Variants in MIEF1 observed in about 807,000 individuals in gnomAD.
MIEF1 encodes the protein mitochondrial elongation factor 1.
MIEF1 carries 14 observed loss-of-function variants against 35.1 expected under a neutral mutation model. The ratio of observed to expected loss-of-function variants is 0.40; its 90% CI spans 0.26 to 0.62. MIEF1 has a LOEUF of 0.62. Among genes scored for constraint, MIEF1 ranks in the 20% least tolerant of loss-of-function variants. The pLI is 0.43. For missense variants in MIEF1, 542 were observed against 615.4 expected (o/e 0.88, Z 1.26); for synonymous variants, 245 against 254.3 (o/e 0.96, Z 0.35).
At chr22:39,502,470 G>A (rs1197487604) in intron 1 of MIEF1, 33 bp downstream of exon 1, 1 of 152,312 alleles carries the variant, frequency 6.6e-6, no homozygotes, top group African/African-American at 2.4e-5. Context: ...GCCGCCGGCG[G>A]CTGGGCGGCG....
At chr22:39,507,942 T>C (rs1930129056) in intron 2 of MIEF1, among the ~76,000 whole-genome samples, 1 of 152,144 alleles carries the variant, frequency 6.6e-6, no homozygotes, top group Non-Finnish European at 1.5e-5. Context: ...TTTAGAGCAG[T>C]CTCAAAAGGT....
Position 39,514,118 on chromosome 22 carries a change from A to C in MIEF1, c.1187A>C (p.Glu396Ala). ...TNVILHLAQE[E>A]ADWSPDMLAD... ...GTCATCCTCCACTTGGCCCAGGAGG[A>C]GGCTGACTGGTCTCCGGATATGCTG... is the stretch of plus-strand genomic sequence containing the variant. The change falls in exon 6 of 6, where the codon GAG becomes GCG. Residue 396 changes from glutamate (E) to alanine (A), a missense_variant. Glu to Ala is a moderately radical substitution (Grantham distance 107). Coordinates refer to ENST00000325301, the MANE Select transcript of MIEF1 (RefSeq NM_019008.6). 6.2e-7 allele frequency: 1 copy of C among 1,614,138 alleles called. No homozygotes were observed. Among genetic ancestry groups the C allele is most frequent in the East Asian group, 2.2e-5 (1 of 44,890 alleles).
At position 39,513,792 on chromosome 22, in the gene MIEF1, C is replaced by A. The variant is rs1463285172; in HGVS notation, c.861C>A (p.Ile287=). Reference sequence around the variant, plus strand: ...TAGGGTCCCTCTTGGACTATGTGATCCGCCCGGCCCCACCCCCAGAAGCCC... The same window carrying A: ...TAGGGTCCCTCTTGGACTATGTGATACGCCCGGCCCCACCCCCAGAAGCCC... ...PAIGSLLDYV[I]RPAPPPEALT... The change falls in exon 6 of 6, where the codon ATC becomes ATA. Residue 287 remains isoleucine (I), a synonymous_variant. Coordinates refer to ENST00000325301, the MANE Select transcript of MIEF1 (RefSeq NM_019008.6). The A allele has an allele frequency of 6.2e-7, 1 of 1,613,912 alleles. No homozygotes were observed. Among genetic ancestry groups the A allele is most frequent in the Non-Finnish European group, 8.5e-7 (1 of 1,180,038 alleles).
At chr22:39,510,703 C>G (rs796387238) in intron 2 of MIEF1, among the ~76,000 whole-genome samples, 9 of 152,284 alleles carry the variant, frequency 5.9e-5, no homozygotes, top group Admixed American at 2.0e-4. Flanking sequence ...GGCCAAAGGA[C>G]GAAGAAATGA....
rs577114242 is a variant in MIEF1 at position 39,504,549 on chromosome 22, G to A, written c.-8+15G>A. 7.0e-5 allele frequency: 28 copies of A among 397,632 alleles called. No individual in the cohort carries two copies. The highest frequency in any genetic ancestry group is 2.2e-4 in the Admixed American group (5 of 22,714). The allele number at this position is 397,632 out of a possible 1,614,324, so 24.6% of individuals were successfully genotyped here. A position where few individuals can be genotyped will look rare whatever the true frequency, so the allele number is the denominator to read the frequency against. ...AGAAGCCTCAGGTACGTAGGCCCTC[G>A]TTCCTGTAGGTTTCCTTATTTTTTG... On this transcript the variant is annotated intron_variant, in intron 2 of 5. Coordinates refer to ENST00000325301, the MANE Select transcript of MIEF1 (RefSeq NM_019008.6).
intron 2 of MIEF1, among the ~76,000 whole-genome samples, chr22:39,506,175 A>T (rs1930005392): frequency 6.6e-6 from 1 of 152,156 alleles, no homozygotes; most frequent in Non-Finnish European, 1.5e-5. Context: ...CCTCAAAAAA[A>T]CCAAGAAACA....
rs971376884 is a variant in MIEF1 at position 39,515,084 on chromosome 22, A to C, written c.*761A>C. ...CAGAGTAGGGAACCAGAGCTGGTTAAGGGCCTAGTGAAGGGTTTGTGTGCC... is the reference window on the plus strand; with the variant it reads ...CAGAGTAGGGAACCAGAGCTGGTTACGGGCCTAGTGAAGGGTTTGTGTGCC... On this transcript the variant is annotated 3_prime_UTR_variant, in exon 6 of 6. Transcript: ENST00000325301. The C allele has an allele frequency of 4.3e-5, 26 of 601,376 alleles. 1 individual carries two copies. In the East Asian group the frequency reaches 7.0e-4, roughly 16 times the overall value. 37.3% of individuals were successfully genotyped at this position (601,376 alleles called of 1,614,324 possible). A position where few individuals can be genotyped will look rare whatever the true frequency, so the allele number is the denominator to read the frequency against.
intron 2 of MIEF1, among the ~76,000 whole-genome samples, chr22:39,506,572 A>G (rs1186301304): frequency 6.6e-6 from 1 of 152,228 alleles, no homozygotes; most frequent in East Asian, 1.9e-4. Flanking sequence ...CACACTCAAT[A>G]TCTGCTACCT....
Position 39,517,419 on chromosome 22 carries a change from C to G in MIEF1, c.*3096C>G. 1 of 336,988 alleles carries G rather than the reference C, an allele frequency of 3.0e-6. No homozygotes were observed. Among genetic ancestry groups the G allele is most frequent in the South Asian group, 2.3e-5 (1 of 43,184 alleles). 20.9% of individuals were successfully genotyped at this position (336,988 alleles called of 1,614,324 possible). On this transcript the variant is annotated 3_prime_UTR_variant, in exon 6 of 6. Coordinates refer to ENST00000325301, the MANE Select transcript of MIEF1 (RefSeq NM_019008.6). ...AAGAAGCGTTGCAGAGGCCCACGGTCTCCTGGGTCCCGGCCACCTGTCCAT... is the reference window on the plus strand; with the variant it reads ...AAGAAGCGTTGCAGAGGCCCACGGTGTCCTGGGTCCCGGCCACCTGTCCAT...
chr22:39,513,379 C>CAGGCATGGGCCACTGCGCCCGGCCT (rs1773693981), intron 5 of MIEF1, 138 bp from the exon 6 acceptor site: 7 of 866,272 alleles, frequency 8.1e-6, no homozygotes, highest in Non-Finnish European at 1.2e-5. Flanking sequence ...GCTGAGATTA[C>CAGGCATGGGCCACTGCGCCCGGCCT]AGGCATGGGC....
At chr22:39,503,457 A>G (rs1196767192) in intron 1 of MIEF1, 1 of 152,254 alleles carries the variant, frequency 6.6e-6, no homozygotes, top group African/African-American at 2.4e-5. Context: ...AAAGCACTTT[A>G]CAGATATGCT....
chr22:39,513,464 A>T (rs533027684), intron 5 of MIEF1, 53 bp from the exon 6 acceptor site: 1 of 1,546,760 alleles, frequency 6.5e-7, no homozygotes, highest in South Asian at 1.2e-5. Context: ...TAGAGGAAGC[A>T]TGTCTTTTGA....
chr22:39,512,199 G>A lies in MIEF1; in HGVS notation c.323-33G>A, dbSNP rs746064400. 1.2e-5 allele frequency: 20 copies of A among 1,601,196 alleles called. 1 individual carries two copies. The Middle Eastern group carries it at 5.2e-4, about 42-fold the overall frequency. The stretch of plus-strand genomic sequence containing the variant: ...GCTGTGGACTGAGCAGGCATGGGCA[G>A]AGCTCACGTGCCTCTCTCTCTTGCC... On this transcript the variant is annotated intron_variant, in intron 4 of 5. Coordinates refer to ENST00000325301, the MANE Select transcript of MIEF1 (RefSeq NM_019008.6).
At chr22:39,513,482 A>G in intron 5 of MIEF1, 35 bp from the exon 6 acceptor site, 1 of 1,594,986 alleles carries the variant, frequency 6.3e-7, no homozygotes, top group Non-Finnish European at 8.6e-7. Context: ...TGAACAGAGT[A>G]AACCCTCAAA....
intron 2 of MIEF1, 111 bp downstream of exon 2, chr22:39,504,645 C>T (rs1274407911): frequency 8.4e-6 from 3 of 357,140 alleles, no homozygotes; most frequent in Non-Finnish European, 1.0e-5. Context: ...GCCAGGTGCA[C>T]TGGTGTGCAC....
At position 39,510,872 on chromosome 22, in the gene MIEF1, T is replaced by C. The variant is rs1168085018; in HGVS notation, c.-7-416T>C. Among the ~76,000 whole-genome samples the C allele has an allele frequency of 4.9e-5, 7 of 143,050 alleles. No homozygotes were observed. In the East Asian group the frequency reaches 1.2e-3, roughly 24 times the overall value. The allele number at this position is 143,050 out of a possible 152,430, so 93.8% of individuals were successfully genotyped here. On this transcript the variant is annotated intron_variant, in intron 2 of 5. Transcript: ENST00000325301. ...CTGCTTTATAACCCCTGTGAAGGGG[T>C]AGAGACCTGCATTATAACCCCTGTG... is the stretch of plus-strand genomic sequence containing the variant.
At position 39,514,133 on chromosome 22, in the gene MIEF1, C is replaced by T. The variant is rs748094403; in HGVS notation, c.1202C>T (p.Pro401Leu). ...HLAQEEADWSPDMLADRFLQA... is the reference protein window; with the variant it reads ...HLAQEEADWSLDMLADRFLQA... ...GCCCAGGAGGAGGCTGACTGGTCTC[C>T]GGATATGCTGGCCGACCGTTTCCTG... is the stretch of plus-strand genomic sequence containing the variant. Residue 401 changes from proline (P) to leucine (L), a missense_variant, in exon 6 of 6, where the codon CCG (proline) becomes CTG (leucine). By Grantham distance (98) the Pro-to-Leu change is moderately conservative. Coordinates refer to ENST00000325301, the MANE Select transcript of MIEF1 (RefSeq NM_019008.6). The T allele has an allele frequency of 1.5e-5, 25 of 1,614,090 alleles. No individual in the cohort carries two copies. The highest frequency in any genetic ancestry group is 6.7e-5 in the Admixed American group (4 of 60,012).
intron 2 of MIEF1, among the ~76,000 whole-genome samples, chr22:39,507,031 T>C (rs2145744177): frequency 6.6e-6 from 1 of 152,332 alleles, no homozygotes; most frequent in Non-Finnish European, 1.5e-5. Flanking sequence ...AGTTCTTACC[T>C]GCTAGTAGGC....
At chr22:39,510,175 C>T (rs1487677065) in intron 2 of MIEF1, among the ~76,000 whole-genome samples, 1 of 152,174 alleles carries the variant, frequency 6.6e-6, no homozygotes, top group Non-Finnish European at 1.5e-5. Flanking sequence ...CCAGGCTTGT[C>T]TTGAACTCCT....
Sources: gnomAD v4.1 joint callset for allele counts (sites outside exome capture counted in the v4.1 genomes callset) on GRCh38, gnomAD v4.1.1 for gene constraint, MANE v1.5 for transcripts, NCBI Gene and HGNC (gene_info 2026-07-23, HGNC 2026-07-21) for gene names.